LY6G6C: variants seen among roughly 807,000 people sequenced by gnomAD.
LY6G6C encodes the protein lymphocyte antigen 6 family member G6C.
LY6G6C carries 12 observed loss-of-function variants against 12.8 expected under a neutral mutation model. That is an observed-to-expected ratio of 0.94 (90% CI 0.60 to 1.52). The LOEUF (loss-of-function observed/expected upper bound fraction) is 1.52. Among genes scored for constraint, LY6G6C ranks in the 40% most tolerant of loss-of-function variants. LY6G6C has a pLI of 0.00. For synonymous variants in LY6G6C, 42 were observed against 61.6 expected (o/e 0.68, Z 1.49); for missense variants, 125 against 155.8 (o/e 0.80, Z 1.05).
chr6:31,721,135 G>A (rs543407110), intron 1 of LY6G6C: 1 of 157,558 alleles, frequency 6.3e-6, no homozygotes, highest in Admixed American at 6.5e-5. Context: ...ATCTAGGAAA[G>A]GCCATGGCTG....
Position 31,718,755 on chromosome 6 carries a change from G to A in LY6G6C, c.*341C>T. On this transcript the variant is annotated 3_prime_UTR_variant, in exon 3 of 3. Transcript: ENST00000375819. ...TCAGCTCTGTACAGTGAGGTCATCA[G>A]GTCCTTGTGGGAGCCTTCACTGGGG... 2.4e-6 allele frequency: 1 copy of A among 416,134 alleles called. No homozygotes were observed. The highest frequency in any genetic ancestry group is 4.3e-6 in the Non-Finnish European group (1 of 230,366). The allele number at this position is 416,134 out of a possible 1,614,324, so 25.8% of individuals were successfully genotyped here.
At position 31,720,116 on chromosome 6, in the gene LY6G6C, C is replaced by A; in HGVS notation, c.140G>T (p.Cys47Phe). 1 of 1,612,880 alleles carries A rather than the reference C, an allele frequency of 6.2e-7. No homozygotes were observed. The highest frequency in any genetic ancestry group is 8.5e-7 in the Non-Finnish European group (1 of 1,179,818). ...QSCRLEPGQQ[C>F]LTTHAYLGKM... is the part of the protein sequence containing the mutation. ...ACCAAGGTATGCATGTGTTGTCAGGCATTGCTGTCCTGGCTCCAGGCGGCA... is the reference window on the plus strand; with the variant it reads ...ACCAAGGTATGCATGTGTTGTCAGGAATTGCTGTCCTGGCTCCAGGCGGCA... The change falls in exon 2 of 3, where the codon TGC (cysteine) becomes TTC (phenylalanine). Residue 47 changes from cysteine (C) to phenylalanine (F), a missense_variant. Cys to Phe is a radical substitution (Grantham distance 205). Coordinates refer to ENST00000375819, the MANE Select transcript of LY6G6C (RefSeq NM_025261.3). The surrounding 1 kb of genome is among the most constrained non-coding windows in gnomAD (Gnocchi z 4.9).
intron 2 of LY6G6C, 86 bp from the exon 3 acceptor site, chr6:31,719,396 GCTTC>G (rs1211389195): frequency 3.4e-6 from 4 of 1,160,394 alleles, no homozygotes; most frequent in East Asian, 4.7e-5. Context: ...ACCCACCTAG[GCTTC>G]CTTCCTTCCC....
rs1272206089 is a variant in LY6G6C at position 31,719,133 on chromosome 6, G to A, written c.341C>T (p.Thr114Ile). The A allele has an allele frequency of 6.2e-7, 1 of 1,614,152 alleles. No individual in the cohort carries two copies. Among genetic ancestry groups the A allele is most frequent in the Admixed American group, 1.7e-5 (1 of 60,022 alleles). ...CCAGAGGCCAAGGCCAGCCAAGGAG[G>A]TAAGGAAGACAAGGCCCAGGGCTGG... ...PTPALGLVFL[T>I]SLAGLGLWLL... is the part of the protein sequence containing the mutation. The change falls in exon 3 of 3, where the codon ACC becomes ATC. Residue 114 changes from threonine to isoleucine, a missense_variant. By Grantham distance (89) the Thr-to-Ile change is moderately conservative. Coordinates refer to ENST00000375819, the MANE Select transcript of LY6G6C (RefSeq NM_025261.3).
In LY6G6C at chr6:31,719,263, G is replaced by C; in HGVS notation, c.211C>G (p.Pro71Ala). The change falls in exon 3 of 3, where the codon CCC (proline) becomes GCC (alanine). Residue 71 changes from proline to alanine, a missense_variant. Transcript: ENST00000375819. Reference sequence around the variant, plus strand: ...GTTTGGTTGAAGGCCTCCTGACAGGGCTCTTCTGGTGTGCCACAGCGCAGA... The same window carrying C: ...GTTTGGTTGAAGGCCTCCTGACAGGCCTCTTCTGGTGTGCCACAGCGCAGA... ...SNLRCGTPEE[P>A]CQEAFNQTNR... 6.2e-7 allele frequency: 1 copy of C among 1,614,126 alleles called. No individual in the cohort carries two copies. The highest frequency in any genetic ancestry group is 8.5e-7 in the Non-Finnish European group (1 of 1,179,996).
rs139853119 is a variant in LY6G6C, at chr6:31,720,255, G to A, written c.53-52C>T. The A allele has an allele frequency of 1.9e-3, 2,559 of 1,327,986 alleles. 7 individuals carry two copies. In the Middle Eastern group the frequency reaches 0.02, roughly 10 times the overall value. 82.3% of individuals were successfully genotyped at this position (1,327,986 alleles called of 1,614,324 possible). A position where few individuals can be genotyped will look rare whatever the true frequency, so the allele number is the denominator to read the frequency against. On this transcript the variant is annotated intron_variant, in intron 1 of 2. Coordinates refer to ENST00000375819, the MANE Select transcript of LY6G6C (RefSeq NM_025261.3). This position sits in a 1 kb window ranked among gnomAD's most constrained non-coding sequence, Gnocchi z 4.9. ...TGATGGGGTCTCTGACTTACCTGGG[G>A]ATAAGCTGAGCTGGGGGCAGGGGTG...
At chr6:31,721,512 A>T (rs1343524671) in intron 1 of LY6G6C, 116 bp downstream of exon 1, 1 of 873,604 alleles carries the variant, frequency 1.1e-6, no homozygotes, top group Non-Finnish European at 1.8e-6. Context: ...GAGCTGAGCC[A>T]GTTGGGGCTG....
chr6:31,721,554 C>T (rs1311759210), intron 1 of LY6G6C, 74 bp downstream of exon 1: 23 of 1,419,264 alleles, frequency 1.6e-5, no homozygotes, highest in Non-Finnish European at 2.2e-5. Flanking sequence ...GTGGGTAGGG[C>T]CGGGAAGTGG....
chr6:31,719,366 T>C (rs1273515665), intron 2 of LY6G6C, 56 bp from the exon 3 acceptor site: 1 of 1,486,882 alleles, frequency 6.7e-7, no homozygotes, highest in Non-Finnish European at 9.4e-7. Context: ...CATGCCTGTG[T>C]CCACCTCCCC....
chr6:31,720,215 C>T lies in LY6G6C; in HGVS notation c.53-12G>A. 1.2e-6 allele frequency: 2 copies of T among 1,600,922 alleles called. No individual in the cohort carries two copies. The highest frequency in any genetic ancestry group is 1.7e-6 in the Non-Finnish European group (2 of 1,169,152). ...ACAGCGAATGTCAGCTGGGAAGACACAAGTCAGGCTGAGGTGATGGGGTCT... is the reference window on the plus strand; with the variant it reads ...ACAGCGAATGTCAGCTGGGAAGACATAAGTCAGGCTGAGGTGATGGGGTCT... On this transcript the variant is annotated splice_polypyrimidine_tract_variant and intron_variant, in intron 1 of 2. Coordinates refer to ENST00000375819, the MANE Select transcript of LY6G6C (RefSeq NM_025261.3). The surrounding 1 kb of genome is among the most constrained non-coding windows in gnomAD (Gnocchi z 4.9).
rs981610893 is a variant in LY6G6C, at chr6:31,720,073, A to G, written c.163+20T>C. ...AGGCTCCCACCTCCCTGTTCACCCC[A>G]CTAAGGAAGGGGATGTTACCAAGGT... On this transcript the variant is annotated intron_variant, in intron 2 of 2. Transcript: ENST00000375819. The surrounding 1 kb of genome is among the most constrained non-coding windows in gnomAD (Gnocchi z 4.9). 8 of 1,571,188 alleles carry G rather than the reference A, an allele frequency of 5.1e-6. No individual in the cohort carries two copies. The highest frequency in any genetic ancestry group is 7.0e-6 in the Non-Finnish European group (8 of 1,142,468).
chr6:31,721,497 C>T lies in LY6G6C; in HGVS notation c.52+131G>A, dbSNP rs1214509298. 7 of 737,516 alleles carry T rather than the reference C, an allele frequency of 9.5e-6. No homozygotes were observed. The South Asian group carries it at 9.9e-5, about 10-fold the overall frequency. The allele number at this position is 737,516 out of a possible 1,614,324, so 45.7% of individuals were successfully genotyped here. On this transcript the variant is annotated intron_variant, in intron 1 of 2. Transcript: ENST00000375819. ...ATAGGGAAGCCTGGTCTTGGTGGCACAGGAGAGCTGAGCCAGTTGGGGCTG... is the reference window on the plus strand; with the variant it reads ...ATAGGGAAGCCTGGTCTTGGTGGCATAGGAGAGCTGAGCCAGTTGGGGCTG...
rs751926521 is a variant in LY6G6C at position 31,720,185 on chromosome 6, G to A, written c.71C>T (p.Ser24Phe). The change falls in exon 2 of 3, where the codon TCC becomes TTC. Residue 24 changes from serine to phenylalanine, a missense_variant. Ser to Phe is a radical substitution (Grantham distance 155, BLOSUM62 -2). Coordinates refer to ENST00000375819, the MANE Select transcript of LY6G6C (RefSeq NM_025261.3). This position sits in a 1 kb window ranked among gnomAD's most constrained non-coding sequence, Gnocchi z 4.9. ...GCCCAGCACAGGGACCTTGTAGCAGGAGTGACAGCGAATGTCAGCTGGGAA... is the reference window on the plus strand; with the variant it reads ...GCCCAGCACAGGGACCTTGTAGCAGAAGTGACAGCGAATGTCAGCTGGGAA... ...CWVSADIRCH[S>F]CYKVPVLGCV... 5 of 1,612,750 alleles carry A rather than the reference G, an allele frequency of 3.1e-6. No individual in the cohort carries two copies. Among genetic ancestry groups the A allele is most frequent in the East Asian group, 2.2e-5 (1 of 44,898 alleles).
At chr6:31,719,533 G>C (rs1562163647) in intron 2 of LY6G6C, among the ~76,000 whole-genome samples, 1 of 151,990 alleles carries the variant, frequency 6.6e-6, no homozygotes, top group Non-Finnish European at 1.5e-5. Context: ...TACTGTCTCT[G>C]TTTTTTGTTT....
intron 1 of LY6G6C, among the ~76,000 whole-genome samples, chr6:31,721,305 G>A (rs192244328): frequency 1.3e-5 from 2 of 152,288 alleles, no homozygotes; most frequent in East Asian, 1.9e-4. Context: ...GCATATTGAA[G>A]TGGGGCTGGT....
At position 31,719,189 on chromosome 6, in the gene LY6G6C, G is replaced by A; in HGVS notation, c.285C>T (p.Asp95=). 1 of 1,614,162 alleles carries A rather than the reference G, an allele frequency of 6.2e-7. No individual in the cohort carries two copies. The highest frequency in any genetic ancestry group is 8.5e-7 in the Non-Finnish European group (1 of 1,180,014). The change falls in exon 3 of 3, where the codon GAC becomes GAT. Residue 95 remains aspartate, a synonymous_variant. Coordinates refer to ENST00000375819, the MANE Select transcript of LY6G6C (RefSeq NM_025261.3). The stretch of plus-strand genomic sequence containing the variant: ...GCCGGGGTCCTGCGCTGTTGCAGTT[G>A]TCCTTGTTGCAGCAGGTGGTGTTAT... ...LTYNTTCCNK[D]NCNSAGPRPT...
chr6:31,718,926 T>G lies in LY6G6C; in HGVS notation c.*170A>C, dbSNP rs964420836. ...GGGAAGGGACCCAGAAAAAGGAGAGTGAAGGGTGTGAGGTGGGAAGGATGG... is the reference window on the plus strand; with the variant it reads ...GGGAAGGGACCCAGAAAAAGGAGAGGGAAGGGTGTGAGGTGGGAAGGATGG... On this transcript the variant is annotated 3_prime_UTR_variant, in exon 3 of 3. Coordinates refer to ENST00000375819, the MANE Select transcript of LY6G6C (RefSeq NM_025261.3). 3.1e-5 allele frequency: 18 copies of G among 583,492 alleles called. No individual in the cohort carries two copies. Among genetic ancestry groups the G allele is most frequent in the South Asian group, 7.2e-5 (3 of 41,858 alleles). The allele number at this position is 583,492 out of a possible 1,614,324, so 36.1% of individuals were successfully genotyped here.
intron 1 of LY6G6C, 141 bp downstream of exon 1, chr6:31,721,487 C>A: frequency 3.1e-6 from 2 of 654,444 alleles, no homozygotes; most frequent in South Asian, 4.6e-5. Context: ...GAAGCCTGGT[C>A]TTGGTGGCAC....
At position 31,720,325 on chromosome 6, in the gene LY6G6C, G is replaced by A. The variant is rs1806715066; in HGVS notation, c.53-122C>T. On this transcript the variant is annotated intron_variant, in intron 1 of 2. Transcript: ENST00000375819. This position sits in a 1 kb window ranked among gnomAD's most constrained non-coding sequence, Gnocchi z 4.9. ...TCCCGTAGGTGCTCCAACCTGTTTG[G>A]CTGTTTGGTCTAGCAAGCACAGAGC... 1 of 666,424 alleles carries A rather than the reference G, an allele frequency of 1.5e-6. No homozygotes were observed. Among genetic ancestry groups the A allele is most frequent in the Non-Finnish European group, 2.7e-6 (1 of 373,034 alleles). The allele number at this position is 666,424 out of a possible 1,614,324, so 41.3% of individuals were successfully genotyped here.
Sources: allele counts gnomAD v4.1 joint callset (sites outside exome capture counted in the v4.1 genomes callset), GRCh38; gene constraint gnomAD v4.1.1; non-coding constraint Gnocchi (gnomAD v3.1); transcripts MANE v1.5; gene names NCBI Gene and HGNC (gene_info 2026-07-23, HGNC 2026-07-21).